The following WDR53 variants were observed in gnomAD, a reference collection of about 807,000 sequenced individuals.
WDR53 encodes WD repeat-containing protein 53.
WDR53 carries 19 observed loss-of-function variants against 21.3 expected under a neutral mutation model. That is an observed-to-expected ratio of 0.89 (90% confidence interval 0.62 to 1.31). The LOEUF is 1.31. Among genes scored for constraint, WDR53 ranks in the 50% most tolerant of loss-of-function variants. The probability of loss-of-function intolerance (pLI) is 0.00; values close to 1 mark genes in which losing one functional copy is unlikely to be tolerated. For missense variants in WDR53, 374 were observed against 423.2 expected, an observed-to-expected ratio of 0.88 and a Z score of 1.02; for synonymous variants, 157 against 163.4, an observed-to-expected ratio of 0.96 and a Z score of 0.30.
chr3:196,561,458 C>T lies in WDR53; in HGVS notation c.18G>A (p.Thr6=), dbSNP rs556124469. MAVKW[T]GGHSSPVLCL... is the part of the protein sequence containing the mutation. ...AGAGGACAGGAGAAGAATGCCCACC[C>T]GTCCACTTGACTGCCATAATGGTCC... Residue 6 remains threonine (T), a synonymous_variant, in exon 3 of 4, where the codon ACG becomes ACA. Coordinates refer to ENST00000332629, the MANE Select transcript of WDR53 (RefSeq NM_182627.3). 72 of 1,612,794 alleles carry T rather than the reference C, an allele frequency of 4.5e-5. 1 individual carries two copies. The South Asian group carries it at 6.3e-4, about 14-fold the overall frequency.
chr3:196,562,544 G>T (rs1234604996), intron 2 of WDR53, among the ~76,000 whole-genome samples: 2 of 152,246 alleles, frequency 1.3e-5, no homozygotes, highest in African/African-American at 4.8e-5. Context: ...TTATAAGCGT[G>T]AGCCACCACG....
At position 196,554,284 on chromosome 3, in the gene WDR53, A is replaced by G; in HGVS notation, c.1004T>C (p.Ile335Thr). 2 of 1,614,024 alleles carry G rather than the reference A, an allele frequency of 1.2e-6. No individual in the cohort carries two copies. Among genetic ancestry groups the G allele is most frequent in the Non-Finnish European group, 1.7e-6 (2 of 1,179,976 alleles). ...EKVNWLLGTK[I>T]KGHQNILVAD... ...TACTAATATATTTTGGTGTCCCTTT[A>G]TTTTTGTACCCAAGAGCCAGTTCAC... The change falls in exon 4 of 4, where the codon ATA becomes ACA. Residue 335 changes from isoleucine to threonine, a missense_variant. Physicochemically the swap from Ile to Thr is moderately conservative, Grantham distance 89. Transcript: ENST00000332629.
At chr3:196,560,728 G>A (rs1396519519) in intron 3 of WDR53, among the ~76,000 whole-genome samples, 8 of 152,126 alleles carry the variant, frequency 5.3e-5, no homozygotes, top group Non-Finnish European at 1.0e-4. Flanking sequence ...TTAAACAGAT[G>A]TTTACAATCA....
chr3:196,567,192 A>G lies in WDR53; in HGVS notation c.-332T>C, dbSNP rs1162765693. The G allele has an allele frequency of 4.4e-6, 2 of 457,220 alleles. No homozygotes were observed. Among genetic ancestry groups the G allele is most frequent in the African/African-American group, 2.0e-5 (1 of 50,090 alleles). The allele number at this position is 457,220 out of a possible 1,614,324, so 28.3% of individuals were successfully genotyped here. A position where few individuals can be genotyped will look rare whatever the true frequency, so the allele number is the denominator to read the frequency against. The stretch of plus-strand genomic sequence containing the variant: ...AAGAAATTAGTGAGAGACAGTCACC[A>G]TCACCAGAGTCAGCACAGGTCAACT... On this transcript the variant is annotated 5_prime_UTR_variant, in exon 2 of 4. An upstream start codon of the reference 5' UTR is lost. Transcript: ENST00000332629.
chr3:196,558,517 C>T (rs1030752885), intron 3 of WDR53, among the ~76,000 whole-genome samples: 17 of 152,242 alleles, frequency 1.1e-4, no homozygotes, highest in African/African-American at 4.1e-4. Flanking sequence ...GCTACCACAC[C>T]TGGCCCTGCC....
chr3:196,564,737 C>T (rs917643853), intron 2 of WDR53, among the ~76,000 whole-genome samples: 2 of 152,134 alleles, frequency 1.3e-5, no homozygotes, highest in African/African-American at 4.8e-5. Context: ...GATGAATCAA[C>T]TTTGAAGTCA....
intron 1 of WDR53, 101 bp downstream of exon 1, chr3:196,568,418 G>A (rs1282057719): frequency 6.5e-6 from 1 of 153,076 alleles, no homozygotes; most frequent in Non-Finnish European, 1.5e-5. Context: ...GCCCAGGAGA[G>A]CAGACGCGGA....
intron 3 of WDR53, among the ~76,000 whole-genome samples, chr3:196,555,636 TCAAAG>T (rs1239492909): frequency 1.3e-5 from 2 of 152,360 alleles, no homozygotes; most frequent in East Asian, 3.9e-4. Context: ...CTTAATACTT[TCAAAG>T]CAAACAGACA....
chr3:196,556,573 G>A (rs2054749), intron 3 of WDR53, among the ~76,000 whole-genome samples: 61,104 of 150,738 alleles, frequency 0.41, 12,907 homozygotes, highest in Middle Eastern at 0.52. Context: ...GGAGAATGGC[G>A]TGAACCTGGG....
intron 3 of WDR53, 26 bp downstream of exon 3, chr3:196,560,970 C>G (rs768535323): frequency 1.3e-6 from 2 of 1,576,476 alleles, no homozygotes; most frequent in Non-Finnish European, 1.7e-6. Flanking sequence ...TAGAAATTCC[C>G]CAAGTACTCT....
intron 2 of WDR53, among the ~76,000 whole-genome samples, chr3:196,565,571 G>A (rs1026335051): frequency 2.0e-5 from 3 of 146,344 alleles, no homozygotes; most frequent in Non-Finnish European, 4.5e-5. Flanking sequence ...GGGGGCAGGG[G>A]GGAGTTTGGA....
In WDR53 at chr3:196,556,228, G is replaced by T. The variant is rs1041236697; in HGVS notation, c.481-1421C>A. On this transcript the variant is annotated intron_variant, in intron 3 of 3. Coordinates refer to ENST00000332629, the MANE Select transcript of WDR53 (RefSeq NM_182627.3). ...ACCCAGCTAATTTTTGTATTTTTTT[G>T]TAGAGATGGGGTTTTTGCTATGTTG... Among the ~76,000 whole-genome samples the T allele has an allele frequency of 5.3e-5, 8 of 151,876 alleles. No individual in the cohort carries two copies. The East Asian group carries it at 1.3e-3, about 26-fold the overall frequency.
chr3:196,556,238 G>A (rs1301340001), intron 3 of WDR53, among the ~76,000 whole-genome samples: 1 of 151,884 alleles, frequency 6.6e-6, no homozygotes, highest in African/African-American at 2.4e-5. Context: ...GTAGAGATGG[G>A]GTTTTTGCTA....
intron 1 of WDR53, among the ~76,000 whole-genome samples, chr3:196,567,905 C>A (rs1420544038): frequency 6.6e-6 from 1 of 152,086 alleles, no homozygotes. Context: ...CGCACGCCAC[C>A]ACCCTCGGCT....
chr3:196,554,570 G>T lies in WDR53; in HGVS notation c.718C>A (p.His240Asn), dbSNP rs1734154888. 1 of 1,613,892 alleles carries T rather than the reference G, an allele frequency of 6.2e-7. No individual in the cohort carries two copies. Among genetic ancestry groups the T allele is most frequent in the Admixed American group, 1.7e-5 (1 of 59,986 alleles). The change falls in exon 4 of 4, where the codon CAC becomes AAC. Residue 240 changes from histidine (H) to asparagine (N), a missense_variant. Coordinates refer to ENST00000332629, the MANE Select transcript of WDR53 (RefSeq NM_182627.3). ...KCEQELGFKG[H>N]TSGVSQVCFL... ...CAGACCTGGGATACCCCTGAAGTGT[G>T]GCCCTTAAATCCCAGTTCCTGTTCA...
At chr3:196,565,246 CTG>C (rs1735265558) in intron 2 of WDR53, among the ~76,000 whole-genome samples, 1 of 145,322 alleles carries the variant, frequency 6.9e-6, no homozygotes, top group Non-Finnish European at 1.5e-5. Flanking sequence ...AAATAAATAA[CTG>C]TTACTGGGAA....
intron 1 of WDR53, 54 bp from the exon 2 acceptor site, chr3:196,567,361 G>A: frequency 2.5e-6 from 1 of 392,980 alleles, no homozygotes. Context: ...AAGACATGAG[G>A]AGAAGGGACA....
intron 3 of WDR53, among the ~76,000 whole-genome samples, chr3:196,557,307 G>A (rs1436889921): frequency 6.6e-6 from 1 of 152,204 alleles, no homozygotes; most frequent in Non-Finnish European, 1.5e-5. Flanking sequence ...ACTTTGGGAG[G>A]CCATGGCAGG....
chr3:196,555,821 A>C (rs1644038814), intron 3 of WDR53, among the ~76,000 whole-genome samples: 1 of 152,162 alleles, frequency 6.6e-6, no homozygotes, highest in African/African-American at 2.4e-5. Flanking sequence ...AACTTCCCTT[A>C]TGATTATTCT....
Sources: gnomAD v4.1 joint callset for allele counts (sites outside exome capture counted in the v4.1 genomes callset) on GRCh38, gnomAD v4.1.1 for gene constraint, MANE v1.5 for transcripts, NCBI Gene and HGNC (gene_info 2026-07-23, HGNC 2026-07-21) for gene names.